ELP4: variants seen among roughly 807,000 people sequenced by gnomAD.
ELP4 encodes the protein elongator acetyltransferase complex subunit 4, also known as elongator complex protein 4.
Under a neutral mutation model 48.9 loss-of-function variants are expected in ELP4, and 51 were observed. The ratio of observed to expected loss-of-function variants is 1.04; its 90% CI spans 0.83 to 1.32. ELP4 has a LOEUF of 1.32. Ranked by LOEUF, ELP4 falls within the 40% of genes most tolerant of loss-of-function variation. ELP4 has a pLI of 0.00. For synonymous variants in ELP4, 210 were observed against 189.2 expected (o/e 1.11, Z -0.90); for missense variants, 519 against 514.6 (o/e 1.01, Z -0.08).
intron 7 of ELP4, among the ~76,000 whole-genome samples, chr11:31,640,962 G>A (rs1431421021): frequency 6.6e-6 from 1 of 151,842 alleles, no homozygotes; most frequent in African/African-American, 2.4e-5. Context: ...GAGAACAGTG[G>A]GTGAAAAAGC....
intron 9 of ELP4, among the ~76,000 whole-genome samples, chr11:31,721,846 G>T (rs1370144955): frequency 7.2e-5 from 11 of 152,108 alleles, no homozygotes; most frequent in Admixed American, 7.2e-4. Context: ...TTTTAGGCTT[G>T]ATCTTACCAT....
chr11:31,515,671 C>G (rs866086961), intron 1 of ELP4, among the ~76,000 whole-genome samples: 2 of 151,506 alleles, frequency 1.3e-5, no homozygotes, highest in African/African-American at 4.8e-5. Flanking sequence ...CCCCACCCCC[C>G]ACAAAAAAAA....
intron 2 of ELP4, among the ~76,000 whole-genome samples, chr11:31,522,076 C>T (rs1350323743): frequency 6.6e-6 from 1 of 152,100 alleles, no homozygotes; most frequent in Non-Finnish European, 1.5e-5. Flanking sequence ...TTATGAGATA[C>T]TTATGTCACC....
At chr11:31,719,827 G>C (rs16922432) in intron 9 of ELP4, 3,726 of 206,282 alleles carry the variant, frequency 0.018, 142 homozygotes, top group African/African-American at 0.079. Flanking sequence ...AGAGACTGGT[G>C]AATGTGGATA....
At chr11:31,510,319 A>G in intron 1 of ELP4, 2 of 507,054 alleles carry the variant, frequency 3.9e-6, no homozygotes, top group Non-Finnish European at 7.0e-6. Context: ...ACATTAATTT[A>G]TGGAGATGGT....
intron 5 of ELP4, among the ~76,000 whole-genome samples, chr11:31,626,318 G>T (rs747484344): frequency 6.6e-6 from 1 of 151,640 alleles, no homozygotes; most frequent in Middle Eastern, 3.2e-3. Flanking sequence ...ACAGCATTAG[G>T]CACTTCAATG....
At chr11:31,591,420 AAAGGGG>A (rs1465998152) in intron 3 of ELP4, among the ~76,000 whole-genome samples, 1 of 22,000 alleles carries the variant, frequency 4.5e-5, no homozygotes, top group African/African-American at 8.4e-5. Context: ...AAAAAAAAAA[AAAGGGG>A]GGGGGGGGGT....
Position 31,647,804 on chromosome 11 carries a change from A to G in ELP4, c.991A>G (p.Ile331Val). The G allele has an allele frequency of 3.7e-6, 6 of 1,609,430 alleles. No homozygotes were observed. The highest frequency in any genetic ancestry group is 5.1e-6 in the Non-Finnish European group (6 of 1,176,666). Reference protein sequence around the residue: ...SDVVVGLESFIGSERETNPLY... With the variant: ...SDVVVGLESFVGSERETNPLY... Reference sequence around the variant, plus strand: ...TGTAGTAGTTGGTCTGGAATCATTTATTGGTTCTGAGAGAGAAACTAACCC... The same window carrying G: ...TGTAGTAGTTGGTCTGGAATCATTTGTTGGTTCTGAGAGAGAAACTAACCC... Residue 331 changes from isoleucine (I) to valine (V), a missense_variant, in exon 8 of 10, where the codon ATT becomes GTT. Transcript: ENST00000640961.
At chr11:31,776,495 A>G (rs1359556392) in intron 9 of ELP4, among the ~76,000 whole-genome samples, 1 of 152,162 alleles carries the variant, frequency 6.6e-6, no homozygotes, top group Non-Finnish European at 1.5e-5. Context: ...AAATTCTTGT[A>G]CTCTCTGAAA....
chr11:31,566,050 G>A (rs1479949182), intron 3 of ELP4, among the ~76,000 whole-genome samples: 2 of 152,006 alleles, frequency 1.3e-5, no homozygotes, highest in African/African-American at 4.8e-5. Context: ...TCATTTTCTA[G>A]GCCAGGCACG....
Position 31,650,223 on chromosome 11 carries a change from T to A in ELP4, c.1143+2T>A. The A allele has an allele frequency of 9.9e-7, 1 of 1,008,054 alleles. No individual in the cohort carries two copies. Among genetic ancestry groups the A allele is most frequent in the Non-Finnish European group, 1.5e-6 (1 of 664,192 alleles). 62.4% of individuals were successfully genotyped at this position (1,008,054 alleles called of 1,614,324 possible). On this transcript the variant is annotated splice_donor_variant, in intron 9 of 9. Coordinates refer to ENST00000640961, the MANE Select transcript of ELP4 (RefSeq NM_019040.5). LOFTEE classifies it high-confidence loss of function. ...AAAAGGAAGCTATTCACCATTGAGG[T>A]AAGAGAATTTTTATGTTTTAGTTTA...
At chr11:31,586,087 T>C (rs1354551633) in intron 3 of ELP4, among the ~76,000 whole-genome samples, 2 of 152,200 alleles carry the variant, frequency 1.3e-5, no homozygotes, top group Non-Finnish European at 2.9e-5. Context: ...TAAATTTAAG[T>C]AGATAGTGGC....
chr11:31,736,989 A>G lies in ELP4; in HGVS notation c.1144-46404A>G, dbSNP rs541212235. Among the ~76,000 whole-genome samples the G allele has an allele frequency of 3.9e-3, 592 of 152,356 alleles. 5 individuals are homozygous for G. Among genetic ancestry groups the G allele is most frequent in the African/African-American group, 0.014 (565 of 41,580 alleles). ...TGGGTATATACCTAAAGGATTACAA[A>G]GCATGCTGCTATAAAGACACATGCA... On this transcript the variant is annotated intron_variant, in intron 9 of 9. Transcript: ENST00000640961.
chr11:31,753,697 G>T (rs150605365), intron 9 of ELP4, among the ~76,000 whole-genome samples: 1 of 152,048 alleles, frequency 6.6e-6, no homozygotes, highest in African/African-American at 2.4e-5. Context: ...GTTGAATATA[G>T]CATTTTTTGT....
intron 9 of ELP4, chr11:31,767,787 A>G (rs1447220583): frequency 6.6e-6 from 1 of 152,212 alleles, no homozygotes; most frequent in Non-Finnish European, 1.5e-5. Context: ...CACTTCAGCA[A>G]AGAGTTACTC....
intron 9 of ELP4, chr11:31,707,260 A>G (rs1946653723): frequency 2.9e-6 from 1 of 349,284 alleles, no homozygotes. Context: ...TATATATGAA[A>G]TAAAACCTTA....
intron 3 of ELP4, among the ~76,000 whole-genome samples, chr11:31,561,356 C>T (rs1432462306): frequency 6.6e-6 from 1 of 152,070 alleles, no homozygotes; most frequent in Non-Finnish European, 1.5e-5. Context: ...TAATAGATGC[C>T]AAAGTTCATT....
At chr11:31,587,837 TA>T (rs1957504343) in intron 3 of ELP4, among the ~76,000 whole-genome samples, 1 of 152,124 alleles carries the variant, frequency 6.6e-6, no homozygotes, top group Non-Finnish European at 1.5e-5. Context: ...AAACTAAATA[TA>T]TTTATACCAT....
At chr11:31,601,476 A>C (rs1211205013) in intron 4 of ELP4, among the ~76,000 whole-genome samples, 2 of 152,126 alleles carry the variant, frequency 1.3e-5, no homozygotes, top group Non-Finnish European at 2.9e-5. Context: ...TTTTATTTTT[A>C]CATTTTAATG....
Sources: allele counts gnomAD v4.1 joint callset (sites outside exome capture counted in the v4.1 genomes callset), GRCh38; gene constraint gnomAD v4.1.1; transcripts MANE v1.5; gene names NCBI Gene and HGNC (gene_info 2026-07-23, HGNC 2026-07-21).